NR5A2: variants seen among roughly 807,000 people sequenced by gnomAD.
NR5A2 encodes CYP7A promoter-binding factor.
A neutral mutation model predicts 62.7 loss-of-function variants in NR5A2; 26 were observed. The ratio of observed to expected loss-of-function variants is 0.41; its 90% CI spans 0.30 to 0.58. The LOEUF (loss-of-function observed/expected upper bound fraction) is 0.58, where lower values mean the gene tolerates loss of function less well. Ranked by LOEUF, NR5A2 falls within the 20% of genes least tolerant of loss-of-function variation. NR5A2 has a pLI of 0.22. For synonymous variants in NR5A2, 246 were observed against 241.7 expected (o/e 1.02, Z -0.16); for missense variants, 541 against 669.1 (o/e 0.81, Z 2.11).
chr1:200,151,088 G>A (rs1016407721), intron 7 of NR5A2, among the ~76,000 whole-genome samples: 1 of 152,146 alleles, frequency 6.6e-6, no homozygotes, highest in African/African-American at 2.4e-5. Context: ...AGAAAGGTGG[G>A]GCTGGGAGGA....
Position 200,174,307 on chromosome 1 carries a change from C to T in NR5A2, c.*97C>T, listed in dbSNP as rs1459230981. 29 of 1,284,428 alleles carry T rather than the reference C, an allele frequency of 2.3e-5. No individual in the cohort carries two copies. Among genetic ancestry groups the T allele is most frequent in the Non-Finnish European group, 2.9e-5 (28 of 977,638 alleles). The allele number at this position is 1,284,428 out of a possible 1,614,324, so 79.6% of individuals were successfully genotyped here. On this transcript the variant is annotated 3_prime_UTR_variant, in exon 8 of 8. Transcript: ENST00000367362. ...GGAAGAAAAAAAGTACTCTGAACTG[C>T]TCCAAGTAACGCTAATTAAAAACTT...
Position 200,052,717 on chromosome 1 carries a change from T to C in NR5A2, c.1110+3899T>C, listed in dbSNP as rs6683139. ...AGTGCAGTGGTGCGATCTTGGCTCA[T>C]TGCAAGCTCCGCCTCTTGGGTTCAC... On this transcript the variant is annotated intron_variant, in intron 5 of 7. Transcript: ENST00000367362. Among the ~76,000 whole-genome samples, 558 of 152,042 alleles carry C rather than the reference T, an allele frequency of 3.7e-3. 4 individuals carry two copies. Among genetic ancestry groups the C allele is most frequent in the African/African-American group, 9.7e-3 (401 of 41,448 alleles).
chr1:200,132,239 A>T (rs1449354580), intron 7 of NR5A2, among the ~76,000 whole-genome samples: 1 of 152,128 alleles, frequency 6.6e-6, no homozygotes, highest in East Asian at 1.9e-4. Flanking sequence ...CAAACTCCTG[A>T]CCTCAAGTGA....
At chr1:200,121,416 G>T (rs1666475975) in intron 7 of NR5A2, among the ~76,000 whole-genome samples, 1 of 152,090 alleles carries the variant, frequency 6.6e-6, no homozygotes, top group Non-Finnish European at 1.5e-5. Context: ...TCTCTATCGG[G>T]ATTAACTAGA....
rs1454889391 is a variant in NR5A2, at chr1:200,048,597, T to C, written c.889T>C (p.Ser297Pro). The C allele has an allele frequency of 1.9e-6, 3 of 1,614,114 alleles. No individual in the cohort carries two copies. The highest frequency in any genetic ancestry group is 2.5e-6 in the Non-Finnish European group (3 of 1,180,028). ...YSYMDSYQTSSPASIPHLILE... is the reference protein window; with the variant it reads ...YSYMDSYQTSPPASIPHLILE... ...ATATATGGATAGTTACCAGACGAGC[T>C]CTCCAGCAAGCATCCCACATCTGAT... Residue 297 changes from serine to proline, a missense_variant, in exon 5 of 8, where the codon TCT becomes CCT. By Grantham distance (74) the Ser-to-Pro change is moderately conservative. Coordinates refer to ENST00000367362, the MANE Select transcript of NR5A2 (RefSeq NM_205860.3). The surrounding 1 kb of genome is among the most constrained non-coding windows in gnomAD (Gnocchi z 4.8).
At chr1:200,133,345 G>C (rs1667050640) in intron 7 of NR5A2, among the ~76,000 whole-genome samples, 2 of 151,780 alleles carry the variant, frequency 1.3e-5, no homozygotes, top group Non-Finnish European at 2.9e-5. Flanking sequence ...GGTACATGGA[G>C]CTCTGTGCCA....
At chr1:200,160,569 AT>A (rs1287933357) in intron 7 of NR5A2, among the ~76,000 whole-genome samples, 4 of 152,200 alleles carry the variant, frequency 2.6e-5, no homozygotes, top group African/African-American at 9.6e-5. Context: ...AAATCAAATA[AT>A]TAAATGCAAA....
At chr1:200,087,592 T>C (rs1430259764) in intron 5 of NR5A2, among the ~76,000 whole-genome samples, 2 of 151,422 alleles carry the variant, frequency 1.3e-5, no homozygotes, top group Non-Finnish European at 2.9e-5. Flanking sequence ...AGACAGAGTT[T>C]CACCGTGTTA....
chr1:200,029,285 G>C (rs897360538), intron 1 of NR5A2: 51 of 176,022 alleles, frequency 2.9e-4, no homozygotes, highest in Non-Finnish European at 5.3e-4. Flanking sequence ...GCTGCGCGCA[G>C]CCCCAGCTGG....
intron 7 of NR5A2, among the ~76,000 whole-genome samples, chr1:200,136,383 A>T (rs1667225252): frequency 6.6e-6 from 1 of 152,220 alleles, no homozygotes; most frequent in South Asian, 2.1e-4. Context: ...TGCCTGGAAT[A>T]AAGTTCATAT....
Position 200,074,654 on chromosome 1 carries a change from G to A in NR5A2, c.1110+25836G>A, listed in dbSNP as rs542807141. Among the ~76,000 whole-genome samples the A allele has an allele frequency of 2.3e-3, 337 of 146,428 alleles. 1 individual carries two copies. The highest frequency in any genetic ancestry group is 8.1e-3 in the African/African-American group (321 of 39,650). ...CGGGAAGCTGAGGCAGGAGAATGGCGGGAACCCAGGAGGTGGAGCCTGCAG... is the reference window on the plus strand; with the variant it reads ...CGGGAAGCTGAGGCAGGAGAATGGCAGGAACCCAGGAGGTGGAGCCTGCAG... On this transcript the variant is annotated intron_variant, in intron 5 of 7. Transcript: ENST00000367362.
chr1:200,042,075 C>T (rs896486795), intron 2 of NR5A2, among the ~76,000 whole-genome samples: 2 of 152,176 alleles, frequency 1.3e-5, no homozygotes, highest in African/African-American at 2.4e-5. Flanking sequence ...TTCCCAAACC[C>T]CCAGGTTCCT....
chr1:200,048,193 G>C lies in NR5A2; in HGVS notation c.485G>C (p.Arg162Pro). The change falls in exon 5 of 8, where the codon CGT becomes CCT. Residue 162 changes from arginine (R) to proline (P), a missense_variant. By Grantham distance (103) the Arg-to-Pro change is moderately radical. Around this residue, in one of 3 missense-constraint regions of NR5A2, gnomAD observed 54 missense variants for 123.8 expected, o/e 0.44. Coordinates refer to ENST00000367362, the MANE Select transcript of NR5A2 (RefSeq NM_205860.3). The surrounding 1 kb of genome is among the most constrained non-coding windows in gnomAD (Gnocchi z 4.8). ...ACAGCTGTAAGGGCCGACCGAATGCGTGGAGGAAGGAATAAGTTTGGGCCA... is the reference window on the plus strand; with the variant it reads ...ACAGCTGTAAGGGCCGACCGAATGCCTGGAGGAAGGAATAAGTTTGGGCCA... ...KLEAVRADRM[R>P]GGRNKFGPMY... The C allele has an allele frequency of 6.2e-7, 1 of 1,610,312 alleles. No homozygotes were observed.
At chr1:200,145,033 C>T (rs777818044) in intron 7 of NR5A2, among the ~76,000 whole-genome samples, 39 of 152,072 alleles carry the variant, frequency 2.6e-4, no homozygotes, top group East Asian at 1.2e-3. Flanking sequence ...CAGAACTGGG[C>T]GGGCGCAGTG....
chr1:200,120,041 T>C (rs1666413201), intron 6 of NR5A2, among the ~76,000 whole-genome samples: 1 of 152,186 alleles, frequency 6.6e-6, no homozygotes, highest in Non-Finnish European at 1.5e-5. Context: ...TAATCTAATG[T>C]AATCATCTGA....
intron 7 of NR5A2, among the ~76,000 whole-genome samples, chr1:200,125,632 T>C (rs1485127983): frequency 1.3e-5 from 2 of 152,210 alleles, no homozygotes; most frequent in South Asian, 2.1e-4. Flanking sequence ...ACAGGTTCAG[T>C]TCAGGCATTC....
At chr1:200,145,927 A>C (rs1019591425) in intron 7 of NR5A2, among the ~76,000 whole-genome samples, 3 of 152,232 alleles carry the variant, frequency 2.0e-5, no homozygotes, top group African/African-American at 7.2e-5. Context: ...CACAGATATA[A>C]GTACACCAGA....
chr1:200,065,945 G>A (rs1013288043), intron 5 of NR5A2, among the ~76,000 whole-genome samples: 1 of 152,122 alleles, frequency 6.6e-6, no homozygotes, highest in Non-Finnish European at 1.5e-5. Flanking sequence ...AATGATTGTG[G>A]GGGAAATAGG....
intron 5 of NR5A2, among the ~76,000 whole-genome samples, chr1:200,081,979 C>T (rs145529575): frequency 1.9e-4 from 29 of 152,186 alleles, no homozygotes; most frequent in African/African-American, 6.5e-4. Context: ...CAGGGGGTCA[C>T]CGCAGTGTCA....
Sources: gnomAD v4.1 joint callset for allele counts (sites outside exome capture counted in the v4.1 genomes callset) on GRCh38, gnomAD v4.1.1 for gene constraint, gnomAD v4.1.1 regional missense constraint, Gnocchi (gnomAD v3.1) non-coding constraint, MANE v1.5 for transcripts, NCBI Gene and HGNC (gene_info 2026-07-23, HGNC 2026-07-21) for gene names.